Variants in LRP1B observed in about 807,000 individuals in gnomAD.
LRP1B encodes low-density lipoprotein receptor-related protein 1B.
Under a neutral mutation model 556.6 loss-of-function variants are expected in LRP1B, and 217 were observed. The ratio of observed to expected loss-of-function variants is 0.39; its 90% CI spans 0.35 to 0.44. The LOEUF is 0.44. Ranked by LOEUF, LRP1B falls within the 20% of genes least tolerant of loss-of-function variation. The probability of loss-of-function intolerance (pLI) is 1.00; values close to 1 mark genes in which losing one functional copy is unlikely to be tolerated. For synonymous variants in LRP1B, 2,047 were observed against 1,865.8 expected (o/e 1.10, Z -2.50); for missense variants, 5,053 against 5,620.8 (o/e 0.90, Z 3.23).
intron 86 of LRP1B, among the ~76,000 whole-genome samples, chr2:140,264,960 T>TG (rs35239388): frequency 0.29 from 44,285 of 151,876 alleles, 7,860 homozygotes; most frequent in Non-Finnish European, 0.41. Flanking sequence ...TGTTATGCAG[T>TG]GAGTATATGT....
At chr2:140,629,320 G>A (rs1310768874) in intron 41 of LRP1B, among the ~76,000 whole-genome samples, 1 of 150,238 alleles carries the variant, frequency 6.7e-6, no homozygotes, top group African/African-American at 2.5e-5. Flanking sequence ...CACCCCCCTT[G>A]GCCTCCCAAA....
intron 3 of LRP1B, among the ~76,000 whole-genome samples, chr2:141,386,510 G>C (rs949821617): frequency 1.3e-5 from 2 of 152,024 alleles, no homozygotes; most frequent in Non-Finnish European, 2.9e-5. Context: ...ATAGCTTGAA[G>C]TGAAATGATG....
intron 6 of LRP1B, among the ~76,000 whole-genome samples, chr2:141,222,071 CCAGAT>C (rs1004579170): frequency 4.0e-5 from 6 of 151,856 alleles, no homozygotes; most frequent in African/African-American, 1.5e-4. Flanking sequence ...AAGAAATAAC[CCAGAT>C]CAGAGTGGAA....
chr2:140,870,248 G>A lies in LRP1B; in HGVS notation c.4170-1985C>T, dbSNP rs1693086399. Reference sequence around the variant, plus strand: ...GCTTTATTTGCATAAGGCAATGTTTGTTGACTGTGAGGTTCTGCCCTTCAC... The same window carrying A: ...GCTTTATTTGCATAAGGCAATGTTTATTGACTGTGAGGTTCTGCCCTTCAC... On this transcript the variant is annotated intron_variant, in intron 25 of 90. Transcript: ENST00000389484. Among the ~76,000 whole-genome samples, 2 of 152,118 alleles carry A rather than the reference G, an allele frequency of 1.3e-5. 1 individual carries two copies. The highest frequency in any genetic ancestry group is 4.1e-4 in the South Asian group (2 of 4,826).
intron 1 of LRP1B, among the ~76,000 whole-genome samples, chr2:142,001,645 C>T (rs1258576416): frequency 6.6e-6 from 1 of 152,164 alleles, no homozygotes; most frequent in Non-Finnish European, 1.5e-5. Flanking sequence ...AGACATACTG[C>T]AACCTATTTA....
intron 49 of LRP1B, among the ~76,000 whole-genome samples, chr2:140,517,379 G>T (rs1013478150): frequency 1.3e-5 from 2 of 152,060 alleles, no homozygotes; most frequent in Non-Finnish European, 2.9e-5. Flanking sequence ...AATAATATTT[G>T]GGTGGAAAAT....
intron 83 of LRP1B, among the ~76,000 whole-genome samples, chr2:140,306,937 T>C (rs551614956): frequency 7.3e-5 from 11 of 151,524 alleles, no homozygotes; most frequent in East Asian, 3.9e-4. Flanking sequence ...TCAGGAGCAA[T>C]AGTAAATATT....
At chr2:141,644,040 GTGTGTGTGTGTA>G (rs1689452174) in intron 2 of LRP1B, among the ~76,000 whole-genome samples, 1 of 150,990 alleles carries the variant, frequency 6.6e-6, no homozygotes, top group Non-Finnish European at 1.5e-5. Flanking sequence ...GTGTGTGTGT[GTGTGTGTGTGTA>G]TGTGAGTAAA....
chr2:141,375,028 G>C (rs969458731), intron 3 of LRP1B, among the ~76,000 whole-genome samples: 1 of 152,042 alleles, frequency 6.6e-6, no homozygotes, highest in Non-Finnish European at 1.5e-5. Context: ...GCTTTGTAGG[G>C]GAAAATTTTT....
At chr2:140,283,820 AAC>A (rs1442649530) in intron 84 of LRP1B, among the ~76,000 whole-genome samples, 2 of 151,800 alleles carry the variant, frequency 1.3e-5, no homozygotes, top group Admixed American at 1.3e-4. Context: ...TTTGTTTATA[AAC>A]AGTGTTTTGG....
intron 17 of LRP1B, among the ~76,000 whole-genome samples, chr2:140,987,901 T>C (rs1272084814): frequency 1.3e-5 from 2 of 152,018 alleles, no homozygotes; most frequent in Non-Finnish European, 2.9e-5. Context: ...TGAGAATTGC[T>C]TGCACCTGGG....
chr2:141,958,401 TAA>T lies in LRP1B; in HGVS notation c.83-148002_83-148001del, dbSNP rs1388535990. Among the ~76,000 whole-genome samples the T allele has an allele frequency of 2.0e-5, 3 of 152,132 alleles. No individual in the cohort carries two copies. The East Asian group carries it at 5.8e-4, about 30-fold the overall frequency. On this transcript the variant is annotated intron_variant, in intron 1 of 90. Coordinates refer to ENST00000389484, the MANE Select transcript of LRP1B (RefSeq NM_018557.3). ...TTTGCAGTAAGCCTTGTGGAGAATC[TAA>T]AAGACTTTGGGTTTTTTGCCTCCCA...
At chr2:140,568,967 A>C (rs1356854887) in intron 43 of LRP1B, among the ~76,000 whole-genome samples, 1 of 152,092 alleles carries the variant, frequency 6.6e-6, no homozygotes, top group Non-Finnish European at 1.5e-5. Context: ...TCACCAGACC[A>C]ACCTTACAAG....
At chr2:140,758,485 T>C (rs2104910000) in intron 35 of LRP1B, among the ~76,000 whole-genome samples, 1 of 152,124 alleles carries the variant, frequency 6.6e-6, no homozygotes, top group South Asian at 2.1e-4. Flanking sequence ...TTTAAACAAA[T>C]AAAAGTATTT....
chr2:141,615,793 G>A (rs1688274132), intron 2 of LRP1B, among the ~76,000 whole-genome samples: 2 of 152,142 alleles, frequency 1.3e-5, no homozygotes, highest in East Asian at 1.9e-4. Context: ...TATGAAATTG[G>A]TTCTCAAGTA....
At chr2:141,491,586 G>C (rs569961307) in intron 2 of LRP1B, among the ~76,000 whole-genome samples, 3 of 152,062 alleles carry the variant, frequency 2.0e-5, no homozygotes, top group African/African-American at 7.2e-5. Context: ...CTGGGAGGAG[G>C]CATGTTAAAA....
Position 141,857,705 on chromosome 2 carries a change from C to A in LRP1B, c.83-47304G>T, listed in dbSNP as rs75303841. On this transcript the variant is annotated intron_variant, in intron 1 of 90. Coordinates refer to ENST00000389484, the MANE Select transcript of LRP1B (RefSeq NM_018557.3). Reference sequence around the variant, plus strand: ...CTTTAAAAGCAAAATGAAATAAAATCTTGCAATGAAGTCTTGCTTTTACCA... The same window carrying A: ...CTTTAAAAGCAAAATGAAATAAAATATTGCAATGAAGTCTTGCTTTTACCA... Among the ~76,000 whole-genome samples the A allele has an allele frequency of 2.9e-3, 448 of 152,204 alleles. 5 individuals are homozygous for A. The highest frequency in any genetic ancestry group is 0.01 in the African/African-American group (436 of 41,542).
rs760185907 is a variant in LRP1B, at chr2:140,457,437, A to G, written c.9814+26T>C. ...GTTACTGAAAGATGTTAATGCATTT[A>G]TGGAAATCATGGAAAGAATAATTAC... is the stretch of plus-strand genomic sequence containing the variant. On this transcript the variant is annotated intron_variant, in intron 61 of 90. Transcript: ENST00000389484. The G allele has an allele frequency of 1.5e-5, 23 of 1,541,634 alleles. No homozygotes were observed. In the South Asian group the frequency reaches 2.4e-4, roughly 16 times the overall value.
chr2:140,858,047 G>A (rs879627245), intron 27 of LRP1B, among the ~76,000 whole-genome samples: 1 of 152,096 alleles, frequency 6.6e-6, no homozygotes, highest in Non-Finnish European at 1.5e-5. Context: ...TGGAGATGGT[G>A]GTGATTTTGC....
Sources: allele counts gnomAD v4.1 joint callset (sites outside exome capture counted in the v4.1 genomes callset), GRCh38; gene constraint gnomAD v4.1.1; transcripts MANE v1.5; gene names NCBI Gene and HGNC (gene_info 2026-07-23, HGNC 2026-07-21).